CCDC92B: variants seen among roughly 807,000 people sequenced by gnomAD.
CCDC92B encodes the protein coiled-coil domain containing 92B.
A neutral mutation model predicts 5.6 loss-of-function variants in CCDC92B; 2 were observed. The ratio of observed to expected loss-of-function variants is 0.36; its 90% CI spans 0.15 to 1.12. The LOEUF (loss-of-function observed/expected upper bound fraction) is 1.12, where lower values mean the gene tolerates loss of function less well. CCDC92B is among the 50% of genes most tolerant of loss of function. The pLI is 0.40. For missense variants in CCDC92B, 271 were observed against 262.2 expected, an observed-to-expected ratio of 1.03 and a Z score of -0.23; for synonymous variants, 115 against 122.3, an observed-to-expected ratio of 0.94 and a Z score of 0.39.
intron 1 of CCDC92B, among the ~76,000 whole-genome samples, chr17:2,742,411 G>T (rs547009662): frequency 1.3e-5 from 2 of 152,266 alleles, no homozygotes; most frequent in South Asian, 2.1e-4. Flanking sequence ...ATGGTGGCCT[G>T]GATGAGATGA....
chr17:2,725,758 CTG>C (rs1242152673), intron 3 of CCDC92B, among the ~76,000 whole-genome samples: 1 of 151,864 alleles, frequency 6.6e-6, no homozygotes, highest in Non-Finnish European at 1.5e-5. Flanking sequence ...AATGCTGTGA[CTG>C]TAACTGGAGA....
intron 3 of CCDC92B, among the ~76,000 whole-genome samples, chr17:2,728,574 G>C (rs7218508): frequency 0.99 from 149,610 of 150,892 alleles, 74,177 homozygotes; most frequent in East Asian, 1. Flanking sequence ...CTGCACTCCA[G>C]CCTGGGCGAC....
intron 1 of CCDC92B, among the ~76,000 whole-genome samples, chr17:2,735,819 C>A (rs1567615334): frequency 6.6e-6 from 1 of 152,166 alleles, no homozygotes; most frequent in Non-Finnish European, 1.5e-5. Flanking sequence ...TGGGTTCTAG[C>A]CTGCTCCTCC....
At chr17:2,743,157 C>T (rs1443458184) in intron 1 of CCDC92B, among the ~76,000 whole-genome samples, 2 of 152,188 alleles carry the variant, frequency 1.3e-5, no homozygotes, top group African/African-American at 4.8e-5. Flanking sequence ...GGGTCAGGCA[C>T]GGTGGCTCAC....
chr17:2,745,221 C>T (rs2070971909), intron 1 of CCDC92B, among the ~76,000 whole-genome samples: 1 of 152,046 alleles, frequency 6.6e-6, no homozygotes, highest in African/African-American at 2.4e-5. Context: ...GTGTGTGCCT[C>T]AAGGAGTACG....
At chr17:2,729,949 G>A (rs924616851) in intron 3 of CCDC92B, among the ~76,000 whole-genome samples, 3 of 152,160 alleles carry the variant, frequency 2.0e-5, no homozygotes, top group Non-Finnish European at 4.4e-5. Flanking sequence ...ATCCTGACAT[G>A]CATCTTGACA....
chr17:2,723,365 T>A lies in CCDC92B; in HGVS notation c.*1046A>T, dbSNP rs2151735278. 6.6e-6 allele frequency: 1 copy of A among 152,232 alleles called. No homozygotes were observed. Among genetic ancestry groups the A allele is most frequent in the Non-Finnish European group, 1.5e-5 (1 of 68,078 alleles). The allele number at this position is 152,232 out of a possible 1,614,324, so 9.4% of individuals were successfully genotyped here. A position where few individuals can be genotyped will look rare whatever the true frequency, so the allele number is the denominator to read the frequency against. ...CCACCACGCCCGGCTAATTTTTGTA[T>A]TTTTTAGTAGAGACGGGGTTTCACC... On this transcript the variant is annotated 3_prime_UTR_variant, in exon 4 of 4. Transcript: ENST00000614400.
At position 2,721,162 on chromosome 17, in the gene CCDC92B, C is replaced by G. The variant is rs1320187138; in HGVS notation, c.*3249G>C. On this transcript the variant is annotated 3_prime_UTR_variant, in exon 4 of 4. Coordinates refer to ENST00000614400, the MANE Select transcript of CCDC92B (RefSeq NM_001355573.2). Reference sequence around the variant, plus strand: ...ATCCCATTTTGGCCCTGGACTAGTCCCCCAAGCTAGAGGGTGCTGTGGCTG... The same window carrying G: ...ATCCCATTTTGGCCCTGGACTAGTCGCCCAAGCTAGAGGGTGCTGTGGCTG... 6.6e-6 allele frequency: 1 copy of G among 152,370 alleles called. No homozygotes were observed. Among genetic ancestry groups the G allele is most frequent in the Non-Finnish European group, 1.5e-5 (1 of 68,192 alleles). The allele number at this position is 152,370 out of a possible 1,614,324, so 9.4% of individuals were successfully genotyped here. A position where few individuals can be genotyped will look rare whatever the true frequency, so the allele number is the denominator to read the frequency against.
At position 2,744,411 on chromosome 17, in the gene CCDC92B, G is replaced by A. The variant is rs373741798; in HGVS notation, c.-24+5000C>T. Among the ~76,000 whole-genome samples, 23 of 151,950 alleles carry A rather than the reference G, an allele frequency of 1.5e-4. 2 individuals carry two copies. In the South Asian group the frequency reaches 3.5e-3, roughly 23 times the overall value. The stretch of plus-strand genomic sequence containing the variant: ...TCACTAGGTTGCCCAGGCTGACCTC[G>A]AACTCCTGGTCTCAAGCAGTCTTCC... On this transcript the variant is annotated intron_variant, in intron 1 of 3. Coordinates refer to ENST00000614400, the MANE Select transcript of CCDC92B (RefSeq NM_001355573.2).
chr17:2,732,572 C>T (rs1372826645), intron 2 of CCDC92B, among the ~76,000 whole-genome samples: 1 of 151,922 alleles, frequency 6.6e-6, no homozygotes, highest in Non-Finnish European at 1.5e-5. Context: ...CAAAAATTAG[C>T]CAGGCATGGT....
At chr17:2,737,253 G>A (rs1169991393) in intron 1 of CCDC92B, among the ~76,000 whole-genome samples, 1 of 152,062 alleles carries the variant, frequency 6.6e-6, no homozygotes, top group Non-Finnish European at 1.5e-5. Context: ...CTGGGCAGTG[G>A]GAGAGACAGG....
At position 2,724,179 on chromosome 17, in the gene CCDC92B, C is replaced by A; in HGVS notation, c.*232G>T. Reference sequence around the variant, plus strand: ...GTCCTCTCGGTAGAGAAGGTGCCCCCGCTCGGCCCCGCGGAGGAACTCTCG... The same window carrying A: ...GTCCTCTCGGTAGAGAAGGTGCCCCAGCTCGGCCCCGCGGAGGAACTCTCG... On this transcript the variant is annotated 3_prime_UTR_variant, in exon 4 of 4. Transcript: ENST00000614400. This position sits in a 1 kb window ranked among gnomAD's most constrained non-coding sequence, Gnocchi z 5.0. 1 of 985,402 alleles carries A rather than the reference C, an allele frequency of 1.0e-6. No individual in the cohort carries two copies. The highest frequency in any genetic ancestry group is 4.7e-5 in the South Asian group (1 of 21,292). 61.0% of individuals were successfully genotyped at this position (985,402 alleles called of 1,614,324 possible).
At chr17:2,740,097 G>A (rs1028396742) in intron 1 of CCDC92B, among the ~76,000 whole-genome samples, 16 of 152,124 alleles carry the variant, frequency 1.1e-4, no homozygotes, top group African/African-American at 3.9e-4. Context: ...GATTTGAGGT[G>A]AGGAAAGTTC....
chr17:2,748,822 G>C (rs901781117), intron 1 of CCDC92B, among the ~76,000 whole-genome samples: 2 of 152,208 alleles, frequency 1.3e-5, no homozygotes, highest in Non-Finnish European at 2.9e-5. Flanking sequence ...CTGCAAGGTG[G>C]GGCCGCTTGG....
At chr17:2,748,576 C>A (rs756668132) in intron 1 of CCDC92B, 6 of 984,926 alleles carry the variant, frequency 6.1e-6, no homozygotes, top group Non-Finnish European at 7.2e-6. Flanking sequence ...TGTACTAAGC[C>A]ATACGCTTCC....
At chr17:2,747,038 T>G (rs1385445592) in intron 1 of CCDC92B, among the ~76,000 whole-genome samples, 1 of 152,058 alleles carries the variant, frequency 6.6e-6, no homozygotes, top group Non-Finnish European at 1.5e-5. Flanking sequence ...AATCTCACCT[T>G]CCCCACACCC....
At chr17:2,742,694 C>T (rs544986424) in intron 1 of CCDC92B, among the ~76,000 whole-genome samples, 5 of 152,196 alleles carry the variant, frequency 3.3e-5, no homozygotes, top group South Asian at 2.1e-4. Context: ...TGCTATTGAC[C>T]GCCAAAATAA....
chr17:2,725,451 G>T (rs1383715026), intron 3 of CCDC92B, among the ~76,000 whole-genome samples: 1 of 151,394 alleles, frequency 6.6e-6, no homozygotes, highest in African/African-American at 2.4e-5. Context: ...ACGTCCTACC[G>T]CGCTCCCCCT....
chr17:2,730,798 G>T (rs956351390), intron 2 of CCDC92B, among the ~76,000 whole-genome samples: 2 of 152,130 alleles, frequency 1.3e-5, no homozygotes, highest in Non-Finnish European at 2.9e-5. Flanking sequence ...GGACTGAGGA[G>T]CCTGGCTTGT....
Sources: gnomAD v4.1 joint callset for allele counts (sites outside exome capture counted in the v4.1 genomes callset) on GRCh38, gnomAD v4.1.1 for gene constraint, Gnocchi (gnomAD v3.1) non-coding constraint, MANE v1.5 for transcripts, NCBI Gene and HGNC (gene_info 2026-07-23, HGNC 2026-07-21) for gene names.